Variants in TMPRSS15 observed in about 807,000 individuals in gnomAD.
TMPRSS15 encodes the protein enteropeptidase.
In TMPRSS15, 128 loss-of-function variants were observed where a neutral mutation model predicts 125.3. That is an observed-to-expected ratio of 1.02 (90% CI 0.89 to 1.18). The LOEUF (loss-of-function observed/expected upper bound fraction) is 1.18. Among genes scored for constraint, TMPRSS15 ranks in the 50% most tolerant of loss-of-function variants. TMPRSS15 has a pLI of 0.00. For missense variants in TMPRSS15, 1,283 were observed against 1,212.7 expected (o/e 1.06, Z -0.86); for synonymous variants, 446 against 423.2 (o/e 1.05, Z -0.66).
chr21:18,346,661 G>T (rs566688822), intron 10 of TMPRSS15, among the ~76,000 whole-genome samples: 57 of 152,178 alleles, frequency 3.7e-4, no homozygotes, highest in Non-Finnish European at 6.2e-4. Context: ...TGTCTGTTGC[G>T]CTATCTCACC....
intron 23 of TMPRSS15, among the ~76,000 whole-genome samples, chr21:18,277,526 TA>T (rs2074636478): frequency 6.6e-6 from 1 of 152,226 alleles, no homozygotes; most frequent in Admixed American, 6.5e-5. Flanking sequence ...AATATATGAA[TA>T]TACAGTCTTT....
At chr21:18,460,197 T>C (rs142636581) in intron 1 of TMPRSS15, among the ~76,000 whole-genome samples, 3,220 of 152,212 alleles carry the variant, frequency 0.021, 124 homozygotes, top group African/African-American at 0.074. Flanking sequence ...ATATGGAAAA[T>C]GAGTTGTCAG....
intron 1 of TMPRSS15, among the ~76,000 whole-genome samples, chr21:18,401,920 C>A (rs2076098190): frequency 6.6e-6 from 1 of 151,968 alleles, no homozygotes; most frequent in South Asian, 2.1e-4. Flanking sequence ...ACAGGGATTC[C>A]AATGGACTTT....
At chr21:18,304,531 A>G (rs1324204587) in intron 18 of TMPRSS15, among the ~76,000 whole-genome samples, 1 of 152,172 alleles carries the variant, frequency 6.6e-6, no homozygotes, top group East Asian at 1.9e-4. Flanking sequence ...GCAAAGAAAT[A>G]ATTACATCTT....
chr21:18,301,536 G>A (rs774228651), intron 18 of TMPRSS15, among the ~76,000 whole-genome samples: 1 of 152,154 alleles, frequency 6.6e-6, no homozygotes, highest in East Asian at 1.9e-4. Context: ...ATTTAAGCAC[G>A]CACCTGAGGC....
chr21:18,282,774 AATGGTAGG>A (rs1251293851), intron 21 of TMPRSS15, among the ~76,000 whole-genome samples: 1 of 152,068 alleles, frequency 6.6e-6, no homozygotes, highest in Non-Finnish European at 1.5e-5. Flanking sequence ...TGATTATCTA[AATGGTAGG>A]AGGTGACTTT....
intron 1 of TMPRSS15, among the ~76,000 whole-genome samples, chr21:18,450,739 G>A (rs2076266538): frequency 6.6e-6 from 1 of 152,160 alleles, no homozygotes; most frequent in East Asian, 1.9e-4. Flanking sequence ...GAATGCCCTT[G>A]TGTCAGCTTC....
intron 1 of TMPRSS15, among the ~76,000 whole-genome samples, chr21:18,458,226 T>G (rs1421076573): frequency 6.6e-6 from 1 of 152,136 alleles, no homozygotes; most frequent in East Asian, 1.9e-4. Flanking sequence ...TGTGCATGAA[T>G]GAAAAAAATA....
At chr21:18,484,513 TTCTC>T (rs1434593187) in intron 1 of TMPRSS15, among the ~76,000 whole-genome samples, 1 of 151,766 alleles carries the variant, frequency 6.6e-6, no homozygotes, top group Non-Finnish European at 1.5e-5. Context: ...GATCTTTTCC[TTCTC>T]TCTAAAAAAA....
At chr21:18,392,673 T>G (rs1317113149) in intron 3 of TMPRSS15, among the ~76,000 whole-genome samples, 3 of 152,158 alleles carry the variant, frequency 2.0e-5, no homozygotes, top group Non-Finnish European at 4.4e-5. Flanking sequence ...TTAGTCTTTT[T>G]TCACACTGCT....
chr21:18,283,286 G>C (rs1247045716), intron 21 of TMPRSS15, among the ~76,000 whole-genome samples: 1 of 151,960 alleles, frequency 6.6e-6, no homozygotes, highest in African/African-American at 2.4e-5. Flanking sequence ...AAGCTCAACT[G>C]GTCAGTTTTC....
intron 1 of TMPRSS15, among the ~76,000 whole-genome samples, chr21:18,444,300 A>T (rs751134482): frequency 1.3e-5 from 2 of 152,224 alleles, no homozygotes; most frequent in Non-Finnish European, 2.9e-5. Flanking sequence ...ATACTACATA[A>T]CCATAAAAAA....
chr21:18,424,546 T>G (rs976073644), intron 1 of TMPRSS15, among the ~76,000 whole-genome samples: 2 of 152,208 alleles, frequency 1.3e-5, no homozygotes, highest in Non-Finnish European at 2.9e-5. Context: ...ATAAAAGCCA[T>G]CATGTTGTTT....
intron 21 of TMPRSS15, among the ~76,000 whole-genome samples, chr21:18,284,440 A>G (rs1286329431): frequency 6.6e-6 from 1 of 152,216 alleles, no homozygotes; most frequent in Non-Finnish European, 1.5e-5. Flanking sequence ...GCACTCAACA[A>G]TCTGTACTTT....
chr21:18,411,694 C>T lies in TMPRSS15; in HGVS notation c.11-13365G>A, dbSNP rs151193991. Among the ~76,000 whole-genome samples, 1,164 of 152,246 alleles carry T rather than the reference C, an allele frequency of 7.6e-3. 21 individuals carry two copies. Among genetic ancestry groups the T allele is most frequent in the African/African-American group, 0.027 (1,126 of 41,558 alleles). On this transcript the variant is annotated intron_variant, in intron 1 of 7. Transcript: ENST00000422787. ...TTGCTAATGCAAATTCTTGCTTCCT[C>T]GCCCTTCATCCTTTGTTCCCACTCC...
chr21:18,365,033 A>T, intron 7 of TMPRSS15, 107 bp downstream of exon 7: 2 of 931,560 alleles, frequency 2.1e-6, no homozygotes, highest in Admixed American at 2.0e-5. Context: ...TTTGCTTCAT[A>T]GTTAATGAAA....
Position 18,372,098 on chromosome 21 carries a change from ATGTGTGTGTGTGTGTG to A in TMPRSS15, c.664+79_664+94del, listed in dbSNP as rs56932398. On this transcript the variant is annotated intron_variant, in intron 6 of 24. Coordinates refer to ENST00000284885, the MANE Select transcript of TMPRSS15 (RefSeq NM_002772.3). ...GTAGTTTCAGGTATTTGAGATTAGA[ATGTGTGTGTGTGTGTG>A]TGTGTGTGTGTGTGTGTGTGTGTGT... The A allele has an allele frequency of 1.9e-5, 10 of 538,692 alleles. 1 individual carries two copies. Among genetic ancestry groups the A allele is most frequent in the South Asian group, 1.4e-4 (4 of 28,786 alleles). The allele number at this position is 538,692 out of a possible 1,614,324, so 33.4% of individuals were successfully genotyped here.
chr21:18,320,232 G>A (rs55941767), intron 16 of TMPRSS15, among the ~76,000 whole-genome samples: 51,999 of 151,578 alleles, frequency 0.34, 9,071 homozygotes, highest in East Asian at 0.56. Context: ...CATATATTCT[G>A]TCTTAAATAT....
Position 18,359,041 on chromosome 21 carries a change from T to C in TMPRSS15, c.880+716A>G, listed in dbSNP as rs150410684. ...ATGCGAGGAAAACTAGTTATTCCCT[T>C]GGCTTCGTTTCCACATTCTCTACCT... On this transcript the variant is annotated intron_variant, in intron 8 of 24. Transcript: ENST00000284885. 6.3e-3 allele frequency among the ~76,000 whole-genome samples: 952 copies of C among 152,178 alleles called. 13 individuals are homozygous for C. Among genetic ancestry groups the C allele is most frequent in the African/African-American group, 0.021 (891 of 41,548 alleles).
Sources: gnomAD v4.1 joint callset for allele counts (sites outside exome capture counted in the v4.1 genomes callset) on GRCh38, gnomAD v4.1.1 for gene constraint, MANE v1.5 for transcripts, NCBI Gene and HGNC (gene_info 2026-07-23, HGNC 2026-07-21) for gene names.